The following PSD3 variants were observed in gnomAD, a reference collection of about 807,000 sequenced individuals.
The protein encoded by PSD3 is pleckstrin and Sec7 domain containing 3.
Under a neutral mutation model 105.5 loss-of-function variants are expected in PSD3, and 49 were observed. That is an observed-to-expected ratio of 0.46 (90% confidence interval 0.37 to 0.59). The LOEUF (loss-of-function observed/expected upper bound fraction) is 0.59. Ranked by LOEUF, PSD3 falls within the 20% of genes least tolerant of loss-of-function variation. PSD3 has a pLI of 0.00. For missense variants in PSD3, 1,561 were observed against 1,263.8 expected (o/e 1.24, Z -3.57); for synonymous variants, 557 against 457.8 (o/e 1.22, Z -2.77).
intron 2 of PSD3, among the ~76,000 whole-genome samples, chr8:18,909,677 T>C (rs1454233104): frequency 1.3e-5 from 2 of 151,772 alleles, no homozygotes; most frequent in African/African-American, 4.8e-5. Context: ...AGAGATGGAG[T>C]TTCACCATGT....
chr8:19,036,943 A>T (rs140939940), intron 1 of PSD3, among the ~76,000 whole-genome samples: 40 of 152,212 alleles, frequency 2.6e-4, no homozygotes, highest in African/African-American at 9.1e-4. Context: ...TCCATGTTGC[A>T]ACTCCCCAGG....
intron 9 of PSD3, among the ~76,000 whole-genome samples, chr8:18,698,236 C>T (rs1355641790): frequency 6.6e-6 from 1 of 152,066 alleles, no homozygotes; most frequent in East Asian, 1.9e-4. Context: ...GTAGCTAGGT[C>T]TACAGGCACA....
intron 1 of PSD3, among the ~76,000 whole-genome samples, chr8:19,056,015 T>G (rs544669452): frequency 2.6e-5 from 4 of 152,362 alleles, no homozygotes; most frequent in South Asian, 2.1e-4. Context: ...CTCTATTATC[T>G]TGAAAAATCT....
At chr8:18,995,656 T>C (rs894048273) in intron 1 of PSD3, among the ~76,000 whole-genome samples, 5 of 152,044 alleles carry the variant, frequency 3.3e-5, no homozygotes, top group Non-Finnish European at 7.4e-5. Flanking sequence ...AGAGGTTTAA[T>C]TGATGCACAG....
intron 8 of PSD3, among the ~76,000 whole-genome samples, chr8:18,771,541 A>G (rs1418790768): frequency 1.3e-5 from 2 of 152,220 alleles, no homozygotes; most frequent in African/African-American, 4.8e-5. Flanking sequence ...CAGAGATTCA[A>G]CTTCATTCTT....
At chr8:18,629,888 T>G (rs573059288) in intron 11 of PSD3, among the ~76,000 whole-genome samples, 1 of 151,956 alleles carries the variant, frequency 6.6e-6, no homozygotes, top group Non-Finnish European at 1.5e-5. Flanking sequence ...TTCTGGATTG[T>G]AAGGCTGAAT....
At chr8:18,657,477 A>G (rs943810602) in intron 9 of PSD3, among the ~76,000 whole-genome samples, 1 of 152,222 alleles carries the variant, frequency 6.6e-6, no homozygotes, top group Non-Finnish European at 1.5e-5. Flanking sequence ...TTTTCAGGAC[A>G]TGATAGGTAT....
chr8:18,801,135 G>A (rs1486090452), intron 7 of PSD3, 135 bp downstream of exon 7: 5 of 533,432 alleles, frequency 9.4e-6, no homozygotes, highest in Admixed American at 3.7e-5. Flanking sequence ...AGACTAGAAT[G>A]AAGTAAACAG....
At position 18,808,430 on chromosome 8, in the gene PSD3, T is replaced by G. The variant is rs564005477; in HGVS notation, c.1635-3532A>C. 4.6e-5 allele frequency among the ~76,000 whole-genome samples: 7 copies of G among 152,306 alleles called. No individual in the cohort carries two copies. The East Asian group carries it at 1.2e-3, about 25-fold the overall frequency. On this transcript the variant is annotated intron_variant, in intron 4 of 15. Transcript: ENST00000327040. ...TCTAATGAGAACACATTTTAAAAAT[T>G]TATTACCCAAAATCATTCCATTCCT...
intron 1 of PSD3, chr8:18,940,279 A>G (rs967583831): frequency 1.3e-5 from 2 of 152,140 alleles, no homozygotes; most frequent in Non-Finnish European, 2.9e-5. Context: ...GTATATACGA[A>G]TCACCTGGAA....
At chr8:18,581,971 G>A (rs1051686171) in intron 12 of PSD3, among the ~76,000 whole-genome samples, 19 of 152,198 alleles carry the variant, frequency 1.2e-4, no homozygotes, top group African/African-American at 4.1e-4. Context: ...GTAACTCAGA[G>A]AAGCAAAACA....
At chr8:18,773,801 T>G (rs1465950397) in intron 8 of PSD3, among the ~76,000 whole-genome samples, 1 of 152,198 alleles carries the variant, frequency 6.6e-6, no homozygotes, top group African/African-American at 2.4e-5. Context: ...AAAGTGAACT[T>G]GGATTTTCAC....
chr8:18,819,687 G>A (rs1405302603), intron 4 of PSD3, among the ~76,000 whole-genome samples: 3 of 145,238 alleles, frequency 2.1e-5, no homozygotes, highest in East Asian at 4.4e-4. Context: ...CATGTGATTC[G>A]CCCACCTCAG....
chr8:18,603,568 C>T (rs1804593000), intron 11 of PSD3, among the ~76,000 whole-genome samples: 1 of 152,158 alleles, frequency 6.6e-6, no homozygotes, highest in African/African-American at 2.4e-5. Flanking sequence ...CATTATTTCA[C>T]TATCTTTTGG....
chr8:18,639,673 A>C (rs1372868153), intron 10 of PSD3, among the ~76,000 whole-genome samples: 1 of 152,190 alleles, frequency 6.6e-6, no homozygotes, highest in African/African-American at 2.4e-5. Flanking sequence ...CATGGCCTTC[A>C]GGAGGAAACA....
chr8:18,892,089 C>G (rs906550502), intron 2 of PSD3, among the ~76,000 whole-genome samples: 1 of 151,962 alleles, frequency 6.6e-6, no homozygotes, highest in Non-Finnish European at 1.5e-5. Context: ...CAAAGTCACT[C>G]TTTTACATTA....
intron 1 of PSD3, among the ~76,000 whole-genome samples, chr8:19,059,455 C>A (rs948913918): frequency 1.3e-5 from 2 of 152,186 alleles, no homozygotes; most frequent in African/African-American, 4.8e-5. Context: ...CCAGCAGCAC[C>A]AGTAGCAGCT....
At chr8:18,833,002 G>T (rs576343699) in intron 4 of PSD3, among the ~76,000 whole-genome samples, 1 of 152,298 alleles carries the variant, frequency 6.6e-6, no homozygotes, top group East Asian at 1.9e-4. Flanking sequence ...TGGCATGGCA[G>T]TTTGAGGTTA....
chr8:18,693,619 T>C (rs1482872266), intron 9 of PSD3, among the ~76,000 whole-genome samples: 1 of 152,160 alleles, frequency 6.6e-6, no homozygotes, highest in Non-Finnish European at 1.5e-5. Flanking sequence ...CTCAAAAAAG[T>C]GGCGTAAAGA....
Sources: gnomAD v4.1 joint callset for allele counts (sites outside exome capture counted in the v4.1 genomes callset) on GRCh38, gnomAD v4.1.1 for gene constraint, MANE v1.5 for transcripts, NCBI Gene and HGNC (gene_info 2026-07-23, HGNC 2026-07-21) for gene names.